The following LRBA variants were observed in gnomAD, a reference collection of about 807,000 sequenced individuals.
The protein encoded by LRBA is lipopolysaccharide-responsive and beige-like anchor protein.
LRBA carries 176 observed loss-of-function variants against 330.0 expected under a neutral mutation model. The ratio of observed to expected loss-of-function variants is 0.53; its 90% CI spans 0.47 to 0.60. The LOEUF (loss-of-function observed/expected upper bound fraction) is 0.60, where lower values mean the gene tolerates loss of function less well. LRBA is among the 20% of genes least tolerant of loss of function. The pLI is 0.00. For synonymous variants in LRBA, 1,230 were observed against 1,193.0 expected, an observed-to-expected ratio of 1.03 and a Z score of -0.64; for missense variants, 3,259 against 3,444.8, an observed-to-expected ratio of 0.95 and a Z score of 1.35.
At chr4:150,530,179 T>C (rs1763909922) in intron 40 of LRBA, among the ~76,000 whole-genome samples, 1 of 152,264 alleles carries the variant, frequency 6.6e-6, no homozygotes, top group South Asian at 2.1e-4. Context: ...AAAAGAACTG[T>C]CCAACCTCAG....
chr4:150,445,377 CTATATATATATATA>C (rs10552819), intron 44 of LRBA, among the ~76,000 whole-genome samples: 8,329 of 78,850 alleles, frequency 0.11, 539 homozygotes, highest in East Asian at 0.27. Flanking sequence ...CTCTCTCTCT[CTATATATATATATA>C]TATATATATA....
chr4:150,997,828 C>T (rs528784341), intron 2 of LRBA, among the ~76,000 whole-genome samples: 5 of 151,782 alleles, frequency 3.3e-5, no homozygotes, highest in Non-Finnish European at 7.4e-5. Context: ...CTGAGCCTCC[C>T]GAGTAGCTGG....
chr4:150,385,777 C>G (rs1742970426), intron 47 of LRBA, among the ~76,000 whole-genome samples: 1 of 152,024 alleles, frequency 6.6e-6, no homozygotes, highest in Non-Finnish European at 1.5e-5. Context: ...ACTAAGGATG[C>G]CAAGTACATT....
At chr4:150,394,698 T>C (rs998839799) in intron 47 of LRBA, among the ~76,000 whole-genome samples, 2 of 152,142 alleles carry the variant, frequency 1.3e-5, no homozygotes, top group Non-Finnish European at 2.9e-5. Flanking sequence ...TGAGGACCAA[T>C]GGGTAGAATT....
chr4:150,341,760 A>AT (rs1735606369), intron 48 of LRBA, among the ~76,000 whole-genome samples: 1 of 151,390 alleles, frequency 6.6e-6, no homozygotes, highest in Middle Eastern at 3.5e-3. Context: ...ATATATGTGT[A>AT]TTTTTTAAAA....
intron 51 of LRBA, among the ~76,000 whole-genome samples, chr4:150,313,852 A>C (rs116249125): frequency 0.21 from 30,591 of 148,404 alleles, 3,313 homozygotes; most frequent in East Asian, 0.26. Flanking sequence ...ATATATATAT[A>C]TATATATATA....
chr4:150,485,200 A>G (rs1757728321), intron 42 of LRBA, among the ~76,000 whole-genome samples: 1 of 151,932 alleles, frequency 6.6e-6, no homozygotes, highest in Non-Finnish European at 1.5e-5. Flanking sequence ...CTGTTCTCTA[A>G]ATTACTGACA....
At chr4:150,772,902 G>A (rs1315737775) in intron 34 of LRBA, among the ~76,000 whole-genome samples, 3 of 152,160 alleles carry the variant, frequency 2.0e-5, no homozygotes, top group South Asian at 2.1e-4. Context: ...TGAGGAATAC[G>A]TTGCCTCTAA....
chr4:150,862,111 A>C (rs1437719573), intron 22 of LRBA, among the ~76,000 whole-genome samples: 1 of 152,232 alleles, frequency 6.6e-6, no homozygotes, highest in Non-Finnish European at 1.5e-5. Flanking sequence ...CCATTGTGGA[A>C]GACAGTGTGG....
intron 22 of LRBA, among the ~76,000 whole-genome samples, chr4:150,856,046 G>A (rs1751187046): frequency 6.6e-6 from 1 of 152,134 alleles, no homozygotes; most frequent in Non-Finnish European, 1.5e-5. Context: ...TGTGTGCCAG[G>A]TAGAGTGTAT....
intron 48 of LRBA, among the ~76,000 whole-genome samples, chr4:150,335,583 C>G (rs116722480): frequency 1.3e-5 from 2 of 150,156 alleles, no homozygotes; most frequent in Non-Finnish European, 3.0e-5. Flanking sequence ...GCACTTAGAA[C>G]AGTTCATGGC....
At chr4:150,914,052 T>C in intron 9 of LRBA, 143 bp downstream of exon 9, 2 of 580,816 alleles carry the variant, frequency 3.4e-6, no homozygotes, top group East Asian at 2.7e-5. Flanking sequence ...TTATTGACTA[T>C]AGTCACCCTG....
chr4:150,376,050 A>G lies in LRBA; in HGVS notation c.7195-25891T>C, dbSNP rs975218398. On this transcript the variant is annotated intron_variant, in intron 47 of 56. Coordinates refer to ENST00000651943, the MANE Select transcript of LRBA (RefSeq NM_001364905.1). ...GATAGGTAAAAATAATTAATTAGGCAAACAATATAACACATTAGAGAGAGA... is the reference window on the plus strand; with the variant it reads ...GATAGGTAAAAATAATTAATTAGGCGAACAATATAACACATTAGAGAGAGA... Among the ~76,000 whole-genome samples, 5 of 152,324 alleles carry G rather than the reference A, an allele frequency of 3.3e-5. No homozygotes were observed. The South Asian group carries it at 1.0e-3, about 32-fold the overall frequency.
At chr4:150,783,712 T>C (rs997727992) in intron 34 of LRBA, among the ~76,000 whole-genome samples, 1 of 152,216 alleles carries the variant, frequency 6.6e-6, no homozygotes, top group Admixed American at 6.5e-5. Flanking sequence ...GTCAGGAGAA[T>C]GTGGGGAACA....
At chr4:150,615,573 C>G (rs76665344) in intron 37 of LRBA, among the ~76,000 whole-genome samples, 2,375 of 152,072 alleles carry the variant, frequency 0.016, 32 homozygotes, top group Non-Finnish European at 0.026. Flanking sequence ...ATTACAAGTA[C>G]TTTGATCTGA....
At chr4:150,837,335 A>C (rs1318293065) in intron 28 of LRBA, among the ~76,000 whole-genome samples, 3 of 152,068 alleles carry the variant, frequency 2.0e-5, no homozygotes, top group Non-Finnish European at 4.4e-5. Context: ...GCTGAGTTCA[A>C]TTCCTGGGTA....
chr4:150,468,089 C>T (rs1474101014), intron 43 of LRBA, among the ~76,000 whole-genome samples: 1 of 151,996 alleles, frequency 6.6e-6, no homozygotes, highest in African/African-American at 2.4e-5. Context: ...TTTTAAACTA[C>T]ATTTGATAAT....
chr4:150,783,530 G>C (rs1738575863), intron 34 of LRBA, among the ~76,000 whole-genome samples: 1 of 152,220 alleles, frequency 6.6e-6, no homozygotes, highest in African/African-American at 2.4e-5. Flanking sequence ...AAACAAGGCA[G>C]TACTGATGTT....
At chr4:150,736,622 ATGTAAG>A (rs1265043533) in intron 35 of LRBA, among the ~76,000 whole-genome samples, 2 of 152,152 alleles carry the variant, frequency 1.3e-5, no homozygotes, top group African/African-American at 4.8e-5. Context: ...AAAGAATCTA[ATGTAAG>A]TGTATCTGTA....
Sources: allele counts gnomAD v4.1 joint callset (sites outside exome capture counted in the v4.1 genomes callset), GRCh38; gene constraint gnomAD v4.1.1; transcripts MANE v1.5; gene names NCBI Gene and HGNC (gene_info 2026-07-23, HGNC 2026-07-21).